Variants in TAS2R1 observed in about 807,000 individuals in gnomAD.
The protein encoded by TAS2R1 is taste 2 receptor member 1, also known as taste receptor type 2 member 1.
For missense variants in TAS2R1, 370 were observed against 353.4 expected (o/e 1.05, Z -0.38); for synonymous variants, 141 against 134.2 (o/e 1.05, Z -0.35).
intron 2 of TAS2R1, among the ~76,000 whole-genome samples, chr5:9,635,405 T>C (rs1739944541): frequency 6.6e-6 from 1 of 152,066 alleles, no homozygotes; most frequent in Non-Finnish European, 1.5e-5. Context: ...GTCTGTAGTT[T>C]GCTTTTTTTG....
chr5:9,745,597 C>A, the TAS2R1 span, among the ~76,000 whole-genome samples: 4 of 151,966 alleles, frequency 2.6e-5, no homozygotes, highest in African/African-American at 9.7e-5. Flanking sequence ...AGAAGAGAGA[C>A]CTCAGAAATA....
At chr5:9,804,408 A>G in the TAS2R1 span, among the ~76,000 whole-genome samples, 1 of 152,214 alleles carries the variant, frequency 6.6e-6, no homozygotes, top group African/African-American at 2.4e-5. Flanking sequence ...ACAGATATTT[A>G]CAGAACATTC....
the TAS2R1 span, among the ~76,000 whole-genome samples, chr5:9,763,408 CAGG>C: frequency 1.3e-5 from 2 of 151,952 alleles, no homozygotes; most frequent in Non-Finnish European, 2.9e-5. Flanking sequence ...GAGGCTGAGG[CAGG>C]AGAATTGCTT....
At chr5:9,731,077 T>C in the TAS2R1 span, among the ~76,000 whole-genome samples, 1 of 152,088 alleles carries the variant, frequency 6.6e-6, no homozygotes, top group Non-Finnish European at 1.5e-5. Context: ...CTGTCCCCCA[T>C]GAGTGTGTAC....
intron 1 of TAS2R1, among the ~76,000 whole-genome samples, chr5:9,672,978 T>A (rs1376023472): frequency 6.6e-6 from 1 of 152,086 alleles, no homozygotes; most frequent in African/African-American, 2.4e-5. Flanking sequence ...AAGAATAAGA[T>A]CATGTCCTTT....
At chr5:9,636,112 C>G (rs1230382807) in intron 2 of TAS2R1, among the ~76,000 whole-genome samples, 1 of 151,876 alleles carries the variant, frequency 6.6e-6, no homozygotes, top group Non-Finnish European at 1.5e-5. Flanking sequence ...TTGCTGCATC[C>G]CAGAGGTTTT....
At chr5:9,706,773 G>C (rs41475) in intron 1 of TAS2R1, among the ~76,000 whole-genome samples, 41,213 of 151,986 alleles carry the variant, frequency 0.27, 5,787 homozygotes, top group Admixed American at 0.37. Flanking sequence ...GGAAGGCTTG[G>C]TCCACTCCCT....
At chr5:9,786,448 T>TA in the TAS2R1 span, among the ~76,000 whole-genome samples, 1 of 152,216 alleles carries the variant, frequency 6.6e-6, no homozygotes, top group Non-Finnish European at 1.5e-5. Context: ...GGAAGGGATG[T>TA]GAATTTCAAA....
At chr5:9,830,834 C>A in the TAS2R1 span, among the ~76,000 whole-genome samples, 1 of 152,204 alleles carries the variant, frequency 6.6e-6, no homozygotes, top group Non-Finnish European at 1.5e-5. Context: ...CAAAGATCAT[C>A]CAGTTTGACA....
In TAS2R1 at chr5:9,630,101, C is replaced by T; in HGVS notation, c.-69G>A. On this transcript the variant is annotated 5_prime_UTR_variant, in exon 1 of 1. Transcript: ENST00000382492. ...AAAGTTTTGGACAGGTTGGGTTGTT[C>T]ACGCTCTTCAATTAGATCAGGACTC... 3 of 1,321,126 alleles carry T rather than the reference C, an allele frequency of 2.3e-6. No individual in the cohort carries two copies. The highest frequency in any genetic ancestry group is 3.1e-6 in the Non-Finnish European group (3 of 983,566). The allele number at this position is 1,321,126 out of a possible 1,614,324, so 81.8% of individuals were successfully genotyped here. A position where few individuals can be genotyped will look rare whatever the true frequency, so the allele number is the denominator to read the frequency against.
At chr5:9,657,848 G>A (rs980711329) in intron 2 of TAS2R1, among the ~76,000 whole-genome samples, 2 of 152,166 alleles carry the variant, frequency 1.3e-5, no homozygotes, top group African/African-American at 2.4e-5. Context: ...TAGTGTTACT[G>A]AACTGTACAC....
chr5:9,685,605 A>C (rs1363325270), intron 1 of TAS2R1, among the ~76,000 whole-genome samples: 1 of 152,180 alleles, frequency 6.6e-6, no homozygotes, highest in African/African-American at 2.4e-5. Flanking sequence ...AGGCAGGCTG[A>C]GGAGGTTGTT....
At chr5:9,683,850 G>C (rs1211307714) in intron 1 of TAS2R1, among the ~76,000 whole-genome samples, 3 of 151,792 alleles carry the variant, frequency 2.0e-5, no homozygotes, top group Non-Finnish European at 4.4e-5. Context: ...TGATTTGGTT[G>C]TGTGTGATCT....
At chr5:9,646,593 C>T (rs539494782) in intron 2 of TAS2R1, among the ~76,000 whole-genome samples, 204 of 152,242 alleles carry the variant, frequency 1.3e-3, no homozygotes, top group African/African-American at 4.5e-3. Context: ...ACAATACTTC[C>T]TTACAAATTA....
the TAS2R1 span, among the ~76,000 whole-genome samples, chr5:9,804,908 G>A: frequency 6.6e-6 from 1 of 151,884 alleles, no homozygotes; most frequent in South Asian, 2.1e-4. Flanking sequence ...AGAACTAAAT[G>A]AAATTGAAAC....
chr5:9,823,217 T>G, the TAS2R1 span, among the ~76,000 whole-genome samples: 2 of 152,274 alleles, frequency 1.3e-5, no homozygotes, highest in Non-Finnish European at 2.9e-5. Flanking sequence ...TAAAATGCTA[T>G]ATTTTGGGAG....
At chr5:9,818,125 C>T in the TAS2R1 span, among the ~76,000 whole-genome samples, 726 of 152,266 alleles carry the variant, frequency 4.8e-3, 4 homozygotes, top group African/African-American at 0.016. Context: ...AAGTGAGAGA[C>T]AGACACAGGA....
chr5:9,834,057 C>T, the TAS2R1 span, among the ~76,000 whole-genome samples: 2 of 152,200 alleles, frequency 1.3e-5, no homozygotes, highest in South Asian at 4.1e-4. Context: ...TTCAGCTCCC[C>T]AGCTGCTCCC....
At chr5:9,861,066 G>T in the TAS2R1 span, among the ~76,000 whole-genome samples, 3 of 46,588 alleles carry the variant, frequency 6.4e-5, no homozygotes, top group Non-Finnish European at 1.4e-4. Context: ...ATTGCATTTG[G>T]GTATTGAATA....
Sources: allele counts gnomAD v4.1 joint callset (sites outside exome capture counted in the v4.1 genomes callset), GRCh38; gene constraint gnomAD v4.1.1; transcripts MANE v1.5; gene names NCBI Gene and HGNC (gene_info 2026-07-23, HGNC 2026-07-21).